Variants in ATP8B1 observed in about 807,000 individuals in gnomAD.
ATP8B1 encodes the protein phospholipid-transporting ATPase IC.
In ATP8B1, 80 loss-of-function variants were observed where a neutral mutation model predicts 149.9. That is an observed-to-expected ratio of 0.53 (90% CI 0.45 to 0.64). The LOEUF (loss-of-function observed/expected upper bound fraction) is 0.64, where lower values mean the gene tolerates loss of function less well. Among genes scored for constraint, ATP8B1 ranks in the 30% least tolerant of loss-of-function variants. The pLI is 0.00. For synonymous variants in ATP8B1, 536 were observed against 562.8 expected, an observed-to-expected ratio of 0.95 and a Z score of 0.67; for missense variants, 1,247 against 1,552.6, an observed-to-expected ratio of 0.80 and a Z score of 3.31.
At chr18:57,726,982 A>C (rs1343479331) in intron 2 of ATP8B1, among the ~76,000 whole-genome samples, 1 of 152,222 alleles carries the variant, frequency 6.6e-6, no homozygotes, top group Non-Finnish European at 1.5e-5. Flanking sequence ...CGGGAGGCTG[A>C]GGCAGGAGAA....
At chr18:57,775,707 C>T (rs993274395) in intron 1 of ATP8B1, among the ~76,000 whole-genome samples, 3 of 145,810 alleles carry the variant, frequency 2.1e-5, no homozygotes, top group African/African-American at 7.7e-5. Context: ...TGCAATGGTG[C>T]ATTCTCAGCT....
At chr18:57,657,431 C>T (rs1482297583) in intron 22 of ATP8B1, among the ~76,000 whole-genome samples, 1 of 152,134 alleles carries the variant, frequency 6.6e-6, no homozygotes, top group Non-Finnish European at 1.5e-5. Flanking sequence ...GAGAACACAA[C>T]CTATCATTGC....
intron 24 of ATP8B1, among the ~76,000 whole-genome samples, chr18:57,653,010 TA>T (rs1909728830): frequency 6.6e-6 from 1 of 152,152 alleles, no homozygotes; most frequent in Non-Finnish European, 1.5e-5. Flanking sequence ...TGTCCAAAAA[TA>T]TGTAGGGAGG....
rs1446324720 is a variant in ATP8B1, at chr18:57,648,271, C to G, written c.*217G>C. On this transcript the variant is annotated 3_prime_UTR_variant, in exon 28 of 28. Coordinates refer to ENST00000648908, the MANE Select transcript of ATP8B1 (RefSeq NM_001374385.1). Reference sequence around the variant, plus strand: ...AAAGTGCTGGGATTACAGACCTGAGCCACCACGCCCGGCCGAATAATAGGA... The same window carrying G: ...AAAGTGCTGGGATTACAGACCTGAGGCACCACGCCCGGCCGAATAATAGGA... 1 of 653,196 alleles carries G rather than the reference C, an allele frequency of 1.5e-6. No homozygotes were observed. Among genetic ancestry groups the G allele is most frequent in the African/African-American group, 1.8e-5 (1 of 55,454 alleles). 40.5% of individuals were successfully genotyped at this position (653,196 alleles called of 1,614,324 possible).
intron 18 of ATP8B1, chr18:57,668,839 A>G: frequency 2.9e-6 from 1 of 343,954 alleles, no homozygotes; most frequent in Non-Finnish European, 5.2e-6. Context: ...GTGGCTTTAT[A>G]CTGACATAAA....
In ATP8B1 at chr18:57,708,106, C is replaced by T. The variant is rs141448318; in HGVS notation, c.182-1519G>A. Among the ~76,000 whole-genome samples the T allele has an allele frequency of 4.1e-3, 572 of 139,716 alleles. 7 individuals are homozygous for T. The highest frequency in any genetic ancestry group is 0.032 in the East Asian group (155 of 4,816). 91.7% of individuals were successfully genotyped at this position (139,716 alleles called of 152,430 possible). A position where few individuals can be genotyped will look rare whatever the true frequency, so the allele number is the denominator to read the frequency against. On this transcript the variant is annotated intron_variant, in intron 2 of 27. Coordinates refer to ENST00000648908, the MANE Select transcript of ATP8B1 (RefSeq NM_001374385.1). Reference sequence around the variant, plus strand: ...CTGGGAGGCAGAGGTTGCAGTGAGCCGAGATAGTGCCACTGCACTCCAGCC... The same window carrying T: ...CTGGGAGGCAGAGGTTGCAGTGAGCTGAGATAGTGCCACTGCACTCCAGCC...
chr18:57,701,327 A>T lies in ATP8B1; in HGVS notation c.394-14T>A, dbSNP rs1295596957. 1 of 1,606,204 alleles carries T rather than the reference A, an allele frequency of 6.2e-7. No individual in the cohort carries two copies. Among genetic ancestry groups the T allele is most frequent in the South Asian group, 1.1e-5 (1 of 90,894 alleles). On this transcript the variant is annotated splice_polypyrimidine_tract_variant and intron_variant, in intron 4 of 27. Transcript: ENST00000648908. ...TTGAGGAACTGCCTAAAAGAATAAA[A>T]GGGCTTATGTGTGTGTCCATGAAGG...
intron 2 of ATP8B1, among the ~76,000 whole-genome samples, chr18:57,729,567 T>TTTTTTTTTG: frequency 7.2e-6 from 1 of 139,032 alleles, no homozygotes; most frequent in African/African-American, 2.7e-5. Flanking sequence ...TTTTTTTTTT[T>TTTTTTTTTG]GAGTTGGAGT....
In ATP8B1 at chr18:57,668,553, T is replaced by TAAAAAA; in HGVS notation, c.2098-14_2098-13insTTTTTT. 4 of 296,786 alleles carry TAAAAAA rather than the reference T, an allele frequency of 1.3e-5. No individual in the cohort carries two copies. Among genetic ancestry groups the TAAAAAA allele is most frequent in the Admixed American group, 1.6e-4 (1 of 6,134 alleles). 18.4% of individuals were successfully genotyped at this position (296,786 alleles called of 1,614,324 possible). A position where few individuals can be genotyped will look rare whatever the true frequency, so the allele number is the denominator to read the frequency against. On this transcript the variant is annotated splice_polypyrimidine_tract_variant and intron_variant, in intron 18 of 27. Coordinates refer to ENST00000648908, the MANE Select transcript of ATP8B1 (RefSeq NM_001374385.1). ...TAGCTCCCAGGAGCTAGAATGTATA[T>TAAAAAA]TAAAAAAAAAAAAAAAAGGAATTAG...
intron 1 of ATP8B1, among the ~76,000 whole-genome samples, chr18:57,796,427 T>C (rs1033711912): frequency 1.3e-5 from 2 of 152,160 alleles, no homozygotes; most frequent in African/African-American, 4.8e-5. Flanking sequence ...GAGAATCACT[T>C]GAGCTTAGGA....
intron 25 of ATP8B1, 63 bp downstream of exon 25, chr18:57,652,421 C>T: frequency 6.2e-7 from 1 of 1,606,384 alleles, no homozygotes; most frequent in South Asian, 1.1e-5. Flanking sequence ...GCATGCCACC[C>T]TATATACAGA....
At chr18:57,799,218 C>T (rs752899263) in intron 1 of ATP8B1, among the ~76,000 whole-genome samples, 9 of 152,178 alleles carry the variant, frequency 5.9e-5, no homozygotes, top group Non-Finnish European at 1.2e-4. Flanking sequence ...GCGTTCCAAC[C>T]CAGGTCAAAA....
chr18:57,672,974 T>TGTATATATATAAATATAA (rs1911350271), intron 16 of ATP8B1, among the ~76,000 whole-genome samples: 1 of 39,754 alleles, frequency 2.5e-5, no homozygotes, highest in Admixed American at 4.4e-4. Flanking sequence ...TCTACATATA[T>TGTATATATATAAATATAA]ACACACATAT....
chr18:57,680,594 AC>A (rs1282319004), intron 15 of ATP8B1, among the ~76,000 whole-genome samples: 3 of 149,900 alleles, frequency 2.0e-5, no homozygotes, highest in Non-Finnish European at 4.4e-5. Context: ...CAAAAACAAA[AC>A]AAAACAAAAC....
intron 4 of ATP8B1, among the ~76,000 whole-genome samples, chr18:57,701,583 G>A (rs1035576276): frequency 3.9e-5 from 6 of 152,146 alleles, no homozygotes; most frequent in African/African-American, 1.2e-4. Flanking sequence ...CACCAAGGAA[G>A]TTTTGTATTA....
chr18:57,743,276 T>C (rs1269890759), intron 1 of ATP8B1, among the ~76,000 whole-genome samples: 1 of 152,100 alleles, frequency 6.6e-6, no homozygotes, highest in Non-Finnish European at 1.5e-5. Flanking sequence ...TAGATTCAGA[T>C]TGGAATTCAA....
At position 57,731,843 on chromosome 18, in the gene ATP8B1, A is replaced by G; in HGVS notation, c.-25-11T>C. The G allele has an allele frequency of 6.2e-7, 1 of 1,613,086 alleles. No individual in the cohort carries two copies. The highest frequency in any genetic ancestry group is 1.1e-5 in the South Asian group (1 of 91,020). On this transcript the variant is annotated splice_polypyrimidine_tract_variant and intron_variant, in intron 1 of 27. Transcript: ENST00000648908. ...AATTGGAACTACCTGCTTAAAAGGAAAGAGAAACCAGAGTGAATTATGACT... is the reference window on the plus strand; with the variant it reads ...AATTGGAACTACCTGCTTAAAAGGAGAGAGAAACCAGAGTGAATTATGACT...
intron 12 of ATP8B1, among the ~76,000 whole-genome samples, chr18:57,690,492 T>C (rs1464339150): frequency 6.6e-6 from 1 of 152,260 alleles, no homozygotes; most frequent in Admixed American, 6.5e-5. Context: ...TACCTTTATA[T>C]AAAATTATGT....
chr18:57,730,802 C>CATATATATATATATAT (rs927338067), intron 2 of ATP8B1, among the ~76,000 whole-genome samples: 1 of 11,070 alleles, frequency 9.0e-5, no homozygotes, highest in African/African-American at 2.0e-4. Context: ...AGACCATATA[C>CATATATATATATATAT]ATATATATAT....
Sources: gnomAD v4.1 joint callset for allele counts (sites outside exome capture counted in the v4.1 genomes callset) on GRCh38, gnomAD v4.1.1 for gene constraint, MANE v1.5 for transcripts, NCBI Gene and HGNC (gene_info 2026-07-23, HGNC 2026-07-21) for gene names.